ASTN2: variants seen among roughly 807,000 people sequenced by gnomAD.
ASTN2 encodes astrotactin 2, also known as astrotactin-2.
In ASTN2, 54 loss-of-function variants were observed where a neutral mutation model predicts 139.8. The observed-to-expected ratio is 0.39, with a 90% CI of 0.31 to 0.48. ASTN2 has a LOEUF of 0.48. Ranked by LOEUF, ASTN2 falls within the 20% of genes least tolerant of loss-of-function variation. The pLI is 0.95. For synonymous variants in ASTN2, 756 were observed against 719.5 expected (o/e 1.05, Z -0.81); for missense variants, 1,565 against 1,725.1 (o/e 0.91, Z 1.64).
At chr9:116,869,862 G>A (rs557398458) in intron 10 of ASTN2, among the ~76,000 whole-genome samples, 1 of 152,076 alleles carries the variant, frequency 6.6e-6, no homozygotes, top group African/African-American at 2.4e-5. Flanking sequence ...TCAGCTCTTT[G>A]AGAGACTGAG....
At chr9:116,653,840 T>C (rs562089372) in intron 16 of ASTN2, among the ~76,000 whole-genome samples, 1 of 152,340 alleles carries the variant, frequency 6.6e-6, no homozygotes, top group African/African-American at 2.4e-5. Context: ...TGTCAGCAAA[T>C]GCTTATGAGC....
chr9:117,029,803 A>AC (rs1838195849), intron 6 of ASTN2, among the ~76,000 whole-genome samples: 1 of 151,898 alleles, frequency 6.6e-6, no homozygotes, highest in Non-Finnish European at 1.5e-5. Context: ...AGGGAGGCCA[A>AC]CCCCCCTAAT....
chr9:117,053,454 G>A (rs1359233184), intron 5 of ASTN2, among the ~76,000 whole-genome samples: 3 of 150,848 alleles, frequency 2.0e-5, no homozygotes, highest in Admixed American at 2.0e-4. Context: ...CCTGTCTCTT[G>A]AAAAAAAAAC....
At chr9:116,894,829 G>T (rs1053440903) in intron 10 of ASTN2, among the ~76,000 whole-genome samples, 10 of 152,188 alleles carry the variant, frequency 6.6e-5, no homozygotes, top group Admixed American at 1.3e-4. Context: ...GAGGAGATGG[G>T]ATTAGAATTC....
intron 2 of ASTN2, among the ~76,000 whole-genome samples, chr9:117,238,855 C>G (rs1833124127): frequency 6.6e-6 from 1 of 152,150 alleles, no homozygotes; most frequent in Non-Finnish European, 1.5e-5. Flanking sequence ...CTCCAAGTTG[C>G]AAGGTATCAC....
Position 116,593,196 on chromosome 9 carries a change from A to C in ASTN2, c.3355+25128T>G, listed in dbSNP as rs139575421. 4.8e-4 allele frequency among the ~76,000 whole-genome samples: 73 copies of C among 152,322 alleles called. 1 individual carries two copies. In the East Asian group the frequency reaches 0.014, roughly 29 times the overall value. On this transcript the variant is annotated intron_variant, in intron 19 of 22. Transcript: ENST00000313400. ...AGAAGCAGTGCCTGAACCCCAGACA[A>C]GGCTGGGTGCGGTAACATCTGTGCT...
intron 5 of ASTN2, among the ~76,000 whole-genome samples, chr9:117,057,153 T>A (rs1839086858): frequency 6.6e-6 from 1 of 152,240 alleles, no homozygotes; most frequent in African/African-American, 2.4e-5. Context: ...TTGCTATGAT[T>A]ATTAACAGCA....
intron 3 of ASTN2, among the ~76,000 whole-genome samples, chr9:117,145,977 G>A (rs1238261951): frequency 2.0e-5 from 3 of 152,152 alleles, no homozygotes; most frequent in Non-Finnish European, 4.4e-5. Flanking sequence ...TGAGCTGCAA[G>A]GGTTTCTAAT....
At chr9:117,339,638 G>A (rs571811658) in intron 1 of ASTN2, among the ~76,000 whole-genome samples, 5 of 152,232 alleles carry the variant, frequency 3.3e-5, no homozygotes, top group African/African-American at 7.2e-5. Context: ...TTTTTCATAC[G>A]ATTAATGTCA....
rs1319284194 is a variant in ASTN2, at chr9:116,733,442, C to T, written c.2478G>A (p.Arg826=). The T allele has an allele frequency of 6.2e-7, 1 of 1,614,138 alleles. No homozygotes were observed. The highest frequency in any genetic ancestry group is 8.5e-7 in the Non-Finnish European group (1 of 1,180,028). Residue 826 remains arginine, a synonymous_variant, in exon 14 of 23, where the codon CGG becomes CGA. Transcript: ENST00000313400. ...VIPLPVEEQC[R]GVLSEPLPDL... ...CTGGAAGGGGCTCGGAGAGGACCCCCCGGCACTGCTCCTCCACCGGCAGCG... is the reference window on the plus strand; with the variant it reads ...CTGGAAGGGGCTCGGAGAGGACCCCTCGGCACTGCTCCTCCACCGGCAGCG...
At chr9:116,556,110 C>T (rs1166613016) in intron 19 of ASTN2, among the ~76,000 whole-genome samples, 7 of 152,166 alleles carry the variant, frequency 4.6e-5, no homozygotes. Context: ...CTGCCCTCCA[C>T]GTACTTCATC....
intron 6 of ASTN2, among the ~76,000 whole-genome samples, chr9:117,016,627 T>C (rs1564385887): frequency 0.01 from 52 of 5,182 alleles, 5 homozygotes; most frequent in East Asian, 0.048. Flanking sequence ...TATCTATCTA[T>C]ATATATATAT....
At chr9:117,189,207 T>C (rs1831284620) in intron 3 of ASTN2, among the ~76,000 whole-genome samples, 1 of 151,338 alleles carries the variant, frequency 6.6e-6, no homozygotes, top group Non-Finnish European at 1.5e-5. Context: ...GAACTGCTGT[T>C]TACCCACTAC....
At chr9:116,726,520 A>G (rs1028785398) in intron 15 of ASTN2, among the ~76,000 whole-genome samples, 11 of 152,208 alleles carry the variant, frequency 7.2e-5, no homozygotes, top group Non-Finnish European at 1.0e-4. Context: ...TGAACTGCCC[A>G]TGGCTGGAAT....
chr9:117,355,955 G>T (rs930124356), intron 1 of ASTN2, among the ~76,000 whole-genome samples: 7 of 152,172 alleles, frequency 4.6e-5, no homozygotes, highest in African/African-American at 1.7e-4. Flanking sequence ...AGCCTACACT[G>T]GAGATCAGGG....
At chr9:116,558,450 T>G (rs1852744525) in intron 19 of ASTN2, among the ~76,000 whole-genome samples, 1 of 152,072 alleles carries the variant, frequency 6.6e-6, no homozygotes, top group South Asian at 2.1e-4. Flanking sequence ...GAGCCAGAAT[T>G]ACATAACAGG....
chr9:116,576,061 G>T (rs10983243), intron 19 of ASTN2, among the ~76,000 whole-genome samples: 24,576 of 152,046 alleles, frequency 0.16, 2,511 homozygotes, highest in Non-Finnish European at 0.23. Flanking sequence ...GTTATTGAGC[G>T]CCCCACCCCT....
intron 19 of ASTN2, among the ~76,000 whole-genome samples, chr9:116,539,328 T>G (rs13283416): frequency 0.42 from 62,834 of 151,372 alleles, 13,310 homozygotes; most frequent in East Asian, 0.59. Flanking sequence ...ATGGGTGAAG[T>G]TGTATGGTAT....
intron 13 of ASTN2, among the ~76,000 whole-genome samples, chr9:116,803,840 A>T (rs1225242988): frequency 6.6e-6 from 1 of 151,784 alleles, no homozygotes; most frequent in Non-Finnish European, 1.5e-5. Flanking sequence ...AAAAAAAAAA[A>T]AAGTTAGCAG....
Sources: allele counts gnomAD v4.1 joint callset (sites outside exome capture counted in the v4.1 genomes callset), GRCh38; gene constraint gnomAD v4.1.1; transcripts MANE v1.5; gene names NCBI Gene and HGNC (gene_info 2026-07-23, HGNC 2026-07-21).